Variants in ITFG1 observed in about 807,000 individuals in gnomAD.
ITFG1 encodes T-cell immunomodulatory protein.
A neutral mutation model predicts 81.8 loss-of-function variants in ITFG1; 34 were observed. The observed-to-expected ratio is 0.42, with a 90% CI of 0.32 to 0.55. ITFG1 has a LOEUF of 0.55. Ranked by LOEUF, ITFG1 falls within the 20% of genes least tolerant of loss-of-function variation. ITFG1 has a pLI of 0.17. For missense variants in ITFG1, 672 were observed against 755.4 expected, an observed-to-expected ratio of 0.89 and a Z score of 1.29; for synonymous variants, 285 against 270.6, an observed-to-expected ratio of 1.05 and a Z score of -0.52.
Position 47,278,164 on chromosome 16 carries a change from C to T in ITFG1, c.1071-17469G>A, listed in dbSNP as rs77201866. 0.011 allele frequency among the ~76,000 whole-genome samples: 1,729 copies of T among 152,144 alleles called. 95 individuals carry two copies. In the East Asian group the frequency reaches 0.17, roughly 15 times the overall value. Reference sequence around the variant, plus strand: ...CTTTATTTAAAGCAGTCTTACTTAACGGAGATTACAAATGGAGATTTTGTG... The same window carrying T: ...CTTTATTTAAAGCAGTCTTACTTAATGGAGATTACAAATGGAGATTTTGTG... On this transcript the variant is annotated intron_variant, in intron 10 of 17. Coordinates refer to ENST00000320640, the MANE Select transcript of ITFG1 (RefSeq NM_030790.5).
chr16:47,311,878 G>C (rs1039370433), intron 9 of ITFG1: 1 of 152,944 alleles, frequency 6.5e-6, no homozygotes, highest in Non-Finnish European at 1.5e-5. Flanking sequence ...TTCTACTGCT[G>C]TGTCTCTTAC....
intron 5 of ITFG1, among the ~76,000 whole-genome samples, chr16:47,434,371 C>T (rs1284649909): frequency 6.7e-6 from 1 of 150,124 alleles, no homozygotes; most frequent in African/African-American, 2.4e-5. Flanking sequence ...AAAAAAAAAC[C>T]ATTCAAAAGT....
At chr16:47,270,075 C>T (rs1056655137) in intron 10 of ITFG1, among the ~76,000 whole-genome samples, 61 of 152,060 alleles carry the variant, frequency 4.0e-4, no homozygotes, top group Admixed American at 1.6e-3. Context: ...AAAAGGAACT[C>T]GGATATAATG....
chr16:47,433,831 G>A (rs1459760022), intron 5 of ITFG1, among the ~76,000 whole-genome samples: 1 of 81,436 alleles, frequency 1.2e-5, no homozygotes, highest in African/African-American at 4.4e-5. Flanking sequence ...TTGTCAATAA[G>A]AACTAAAGTG....
At chr16:47,247,513 G>A (rs769515357) in intron 12 of ITFG1, among the ~76,000 whole-genome samples, 6 of 152,154 alleles carry the variant, frequency 3.9e-5, no homozygotes, top group Non-Finnish European at 7.4e-5. Context: ...AAAGCTGTAA[G>A]TGCCACTCCT....
chr16:47,180,077 A>G (rs559865386), intron 14 of ITFG1, among the ~76,000 whole-genome samples: 15 of 152,140 alleles, frequency 9.9e-5, no homozygotes, highest in Non-Finnish European at 2.2e-4. Flanking sequence ...AGTCTAGGTA[A>G]TTATTCATTT....
intron 14 of ITFG1, among the ~76,000 whole-genome samples, chr16:47,176,517 C>A (rs1157447099): frequency 6.6e-6 from 1 of 152,178 alleles, no homozygotes; most frequent in African/African-American, 2.4e-5. Context: ...TACATAGGGA[C>A]TCTAACCTAC....
At chr16:47,334,556 A>G (rs1596904832) in intron 8 of ITFG1, among the ~76,000 whole-genome samples, 1 of 152,234 alleles carries the variant, frequency 6.6e-6, no homozygotes, top group African/African-American at 2.4e-5. Context: ...TTTTTGGTCA[A>G]TGATTCACTG....
Position 47,366,993 on chromosome 16 carries a change from T to C in ITFG1, c.721-1124A>G, listed in dbSNP as rs376114884. Among the ~76,000 whole-genome samples, 390 of 152,298 alleles carry C rather than the reference T, an allele frequency of 2.6e-3. 14 individuals are homozygous for C. The South Asian group carries it at 0.078, about 31-fold the overall frequency. On this transcript the variant is annotated intron_variant, in intron 7 of 17. Coordinates refer to ENST00000320640, the MANE Select transcript of ITFG1 (RefSeq NM_030790.5). ...AGGTTGAGGGCTCAGTCCCTCAAAT[T>C]ACCCTAGACACCAGTCCAAAGTTTG...
chr16:47,223,220 C>A (rs1456874912), intron 13 of ITFG1, among the ~76,000 whole-genome samples: 2 of 151,678 alleles, frequency 1.3e-5, no homozygotes, highest in East Asian at 3.9e-4. Context: ...GCAACAAAAG[C>A]CAAAATTGAC....
chr16:47,217,765 A>G (rs1965641896), intron 14 of ITFG1, among the ~76,000 whole-genome samples: 1 of 152,064 alleles, frequency 6.6e-6, no homozygotes, highest in South Asian at 2.1e-4. Context: ...CTCTACTAAA[A>G]ATATAAAAAA....
At chr16:47,358,474 C>T (rs992812848) in intron 8 of ITFG1, among the ~76,000 whole-genome samples, 8 of 152,150 alleles carry the variant, frequency 5.3e-5, no homozygotes, top group African/African-American at 1.7e-4. Context: ...AATAGGAAGA[C>T]TAAGAATTAA....
chr16:47,290,620 C>T (rs377726609), intron 10 of ITFG1, among the ~76,000 whole-genome samples: 11 of 152,024 alleles, frequency 7.2e-5, no homozygotes, highest in Non-Finnish European at 1.0e-4. Flanking sequence ...ATAAATGTAG[C>T]GATACCAGCT....
At chr16:47,328,139 C>T (rs544962502) in intron 8 of ITFG1, among the ~76,000 whole-genome samples, 4 of 152,166 alleles carry the variant, frequency 2.6e-5, no homozygotes, top group South Asian at 4.2e-4. Flanking sequence ...TACTATGCAG[C>T]CATAAAAAAT....
Position 47,428,830 on chromosome 16 carries a change from A to G in ITFG1, c.629T>C (p.Ile210Thr), listed in dbSNP as rs1969056716. ...TGCTGTAAAATCTTCAGTCAGATCA[A>G]TAAATGCATGAGAATGTGGAATTCG... ...KMRIPHSHAF[I>T]DLTEDFTADL... is the part of the protein sequence containing the mutation. The change falls in exon 6 of 18, where the codon ATT (isoleucine) becomes ACT (threonine). Residue 210 changes from isoleucine (I) to threonine (T), a missense_variant. Coordinates refer to ENST00000320640, the MANE Select transcript of ITFG1 (RefSeq NM_030790.5). 5.0e-6 allele frequency: 8 copies of G among 1,610,530 alleles called. No individual in the cohort carries two copies. The highest frequency in any genetic ancestry group is 1.3e-5 in the African/African-American group (1 of 74,890).
At chr16:47,362,996 A>C (rs1297497267) in intron 8 of ITFG1, among the ~76,000 whole-genome samples, 2 of 152,284 alleles carry the variant, frequency 1.3e-5, no homozygotes, top group East Asian at 3.9e-4. Flanking sequence ...TCCCAGGCTC[A>C]AGTGATCCTC....
At chr16:47,392,609 G>A (rs1199730154) in intron 6 of ITFG1, among the ~76,000 whole-genome samples, 1 of 152,140 alleles carries the variant, frequency 6.6e-6, no homozygotes, top group Non-Finnish European at 1.5e-5. Flanking sequence ...TGTGACTTAT[G>A]GGCCTTTGTT....
intron 6 of ITFG1, among the ~76,000 whole-genome samples, chr16:47,380,147 T>C (rs1043561550): frequency 1.1e-4 from 17 of 151,634 alleles, no homozygotes; most frequent in Non-Finnish European, 2.4e-4. Context: ...CCAAGAAGGT[T>C]AAATTCTCAA....
chr16:47,235,464 C>A (rs1438488906), intron 13 of ITFG1, among the ~76,000 whole-genome samples: 4 of 152,144 alleles, frequency 2.6e-5, no homozygotes, highest in Non-Finnish European at 5.9e-5. Flanking sequence ...TGAAACCATT[C>A]TGGTAGATAA....
Sources: allele counts gnomAD v4.1 joint callset (sites outside exome capture counted in the v4.1 genomes callset), GRCh38; gene constraint gnomAD v4.1.1; transcripts MANE v1.5; gene names NCBI Gene and HGNC (gene_info 2026-07-23, HGNC 2026-07-21).